Variants in CCDC77 observed in about 807,000 individuals in gnomAD.
CCDC77 encodes the protein coiled-coil domain containing 77.
CCDC77 carries 56 observed loss-of-function variants against 66.8 expected under a neutral mutation model. That is an observed-to-expected ratio of 0.84 (90% confidence interval 0.68 to 1.05). The LOEUF (loss-of-function observed/expected upper bound fraction) is 1.05, where lower values mean the gene tolerates loss of function less well. CCDC77 is among the 50% of genes least tolerant of loss of function. CCDC77 has a pLI of 0.00. For missense variants in CCDC77, 570 were observed against 576.8 expected (o/e 0.99, Z 0.12); for synonymous variants, 196 against 195.2 (o/e 1.00, Z -0.03).
intron 10 of CCDC77, among the ~76,000 whole-genome samples, chr12:438,943 T>C (rs980252085): frequency 9.4e-5 from 14 of 149,252 alleles, no homozygotes; most frequent in Non-Finnish European, 3.0e-5. Flanking sequence ...CTGAGCATGA[T>C]GGTGGGTGCC....
At chr12:405,406 T>C (rs1437077971) in intron 1 of CCDC77, 105 bp from the exon 2 acceptor site, 1 of 152,224 alleles carries the variant, frequency 6.6e-6, no homozygotes, top group African/African-American at 2.4e-5. Context: ...ATTTACACTT[T>C]GAATGAGTTT....
At chr12:423,481 TTTTTTTTGTTTTG>T (rs1565572202) in intron 5 of CCDC77, among the ~76,000 whole-genome samples, 697 of 33,430 alleles carry the variant, frequency 0.021, 75 homozygotes, top group East Asian at 0.13. Context: ...TTTTTTGTGT[TTTTTTTTGTTTTG>T]TTTTTTTTTT....
At chr12:414,375 C>T (rs775431705) in intron 4 of CCDC77, among the ~76,000 whole-genome samples, 9 of 152,236 alleles carry the variant, frequency 5.9e-5, no homozygotes, top group Admixed American at 1.3e-4. Context: ...CAGGCGTGAG[C>T]CTGGCCTCCT....
Position 428,295 on chromosome 12 carries a change from G to A in CCDC77, c.414-474G>A, listed in dbSNP as rs552173951. ...TGGGAGGCCGAGGCAGGCAGATCAC[G>A]AGGTCAGGAGATCAGGACCTTCCTG... is the stretch of plus-strand genomic sequence containing the variant. On this transcript the variant is annotated intron_variant, in intron 5 of 12. Transcript: ENST00000239830. Among the ~76,000 whole-genome samples the A allele has an allele frequency of 5.3e-5, 8 of 151,986 alleles. No homozygotes were observed. The South Asian group carries it at 6.2e-4, about 12-fold the overall frequency.
chr12:423,470 GTTTTTTGT>G lies in CCDC77; in HGVS notation c.413+4835_413+4842del, dbSNP rs1945457417. 3.6e-4 allele frequency among the ~76,000 whole-genome samples: 16 copies of G among 44,872 alleles called. No homozygotes were observed. The East Asian group carries it at 5.7e-3, about 16-fold the overall frequency. The allele number at this position is 44,872 out of a possible 152,430, so 29.4% of individuals were successfully genotyped here. ...TTGTTATTTTCTGGGTGTTTTTTGT[GTTTTTTGT>G]GTTTTTTTTTGTTTTGTTTTTTTTT... On this transcript the variant is annotated intron_variant, in intron 5 of 12. Transcript: ENST00000239830.
At chr12:414,595 C>T (rs950090937) in intron 4 of CCDC77, among the ~76,000 whole-genome samples, 1 of 152,170 alleles carries the variant, frequency 6.6e-6, no homozygotes, top group African/African-American at 2.4e-5. Flanking sequence ...TCACTTTTCT[C>T]CTGAGGCTCC....
intron 9 of CCDC77, among the ~76,000 whole-genome samples, chr12:437,670 C>G (rs11062985): frequency 0.072 from 10,940 of 151,584 alleles, 695 homozygotes; most frequent in African/African-American, 0.18. Context: ...CATAGCAAGA[C>G]CCCATCTCCA....
intron 4 of CCDC77, among the ~76,000 whole-genome samples, chr12:412,228 T>C (rs1945126124): frequency 6.6e-6 from 1 of 152,168 alleles, no homozygotes; most frequent in South Asian, 2.1e-4. Context: ...TGTACCTGAG[T>C]AGTCCTTAAC....
At chr12:429,810 A>T (rs2137601321) in intron 6 of CCDC77, among the ~76,000 whole-genome samples, 1 of 152,046 alleles carries the variant, frequency 6.6e-6, no homozygotes, top group African/African-American at 2.4e-5. Flanking sequence ...TTTAGAGCTG[A>T]GGTCTTGGTA....
chr12:436,830 G>A, intron 9 of CCDC77: 1 of 817,346 alleles, frequency 1.2e-6, no homozygotes, highest in Non-Finnish European at 1.5e-6. Context: ...CTGCCCTTTG[G>A]GTATCACTTT....
upstream of CCDC77, among the ~76,000 whole-genome samples, chr12:398,338 A>T (rs2137525943): frequency 6.6e-6 from 1 of 152,144 alleles, no homozygotes; most frequent in East Asian, 1.9e-4. Context: ...CCAGGAGTAG[A>T]TTCCAGCTAA....
At chr12:438,314 C>T in intron 9 of CCDC77, 21 bp from the exon 10 acceptor site, 1 of 1,548,074 alleles carries the variant, frequency 6.5e-7, no homozygotes, top group East Asian at 2.2e-5. Flanking sequence ...CTCATGTCTG[C>T]ATTTATACTT....
At chr12:441,134 T>A in intron 12 of CCDC77, 138 bp downstream of exon 12, 2 of 874,834 alleles carry the variant, frequency 2.3e-6, no homozygotes, top group Non-Finnish European at 3.5e-6. Context: ...CAAGCCTCCC[T>A]GAAAATTAGT....
intron 1 of CCDC77, among the ~76,000 whole-genome samples, chr12:395,708 A>G (rs891745854): frequency 9.2e-5 from 14 of 152,168 alleles, no homozygotes; most frequent in Non-Finnish European, 1.5e-5. Flanking sequence ...AGAGTGGCCA[A>G]CATGGCGAAG....
intron 9 of CCDC77, among the ~76,000 whole-genome samples, chr12:437,439 G>A (rs1945778628): frequency 6.6e-6 from 1 of 152,138 alleles, no homozygotes; most frequent in African/African-American, 2.4e-5. Context: ...ATGAGCAAGT[G>A]TTGAATTATA....
At position 403,350 on chromosome 12, in the gene CCDC77, C is replaced by T. The variant is rs532646551; in HGVS notation, c.-71+1666C>T. Reference sequence around the variant, plus strand: ...AAACACTGTCCCTCGGCCTTATATCCGTACACCAACCTATGACATAGAAGT... The same window carrying T: ...AAACACTGTCCCTCGGCCTTATATCTGTACACCAACCTATGACATAGAAGT... On this transcript the variant is annotated intron_variant, in intron 1 of 12. Coordinates refer to ENST00000239830, the MANE Select transcript of CCDC77 (RefSeq NM_032358.4). Among the ~76,000 whole-genome samples the T allele has an allele frequency of 2.6e-5, 4 of 152,286 alleles. No homozygotes were observed. The South Asian group carries it at 6.2e-4, about 24-fold the overall frequency.
chr12:427,222 G>T (rs534461010), intron 5 of CCDC77, among the ~76,000 whole-genome samples: 1 of 151,324 alleles, frequency 6.6e-6, no homozygotes, highest in Admixed American at 6.6e-5. Context: ...TCCAGCCTGG[G>T]CGACAGAGCG....
At chr12:397,993 A>G (rs913702639), upstream of CCDC77, among the ~76,000 whole-genome samples, 3 of 152,138 alleles carry the variant, frequency 2.0e-5, no homozygotes, top group Non-Finnish European at 2.9e-5. Context: ...AAGCCAAGTC[A>G]TAATATTTTC....
intron 2 of CCDC77, 59 bp from the exon 3 acceptor site, chr12:409,308 TG>T: frequency 8.5e-6 from 10 of 1,181,902 alleles, no homozygotes; most frequent in Non-Finnish European, 1.3e-5. Flanking sequence ...AGTCTAATCC[TG>T]TACTGTTTTT....
Sources: gnomAD v4.1 joint callset for allele counts (sites outside exome capture counted in the v4.1 genomes callset) on GRCh38, gnomAD v4.1.1 for gene constraint, MANE v1.5 for transcripts, NCBI Gene and HGNC (gene_info 2026-07-23, HGNC 2026-07-21) for gene names.